The following OTUD7A variants were observed in gnomAD, a reference collection of about 807,000 sequenced individuals.
OTUD7A encodes OTU deubiquitinase 7A.
Under a neutral mutation model 65.7 loss-of-function variants are expected in OTUD7A, and 12 were observed. That is an observed-to-expected ratio of 0.18 (90% CI 0.12 to 0.30). The LOEUF (loss-of-function observed/expected upper bound fraction) is 0.30, where lower values mean the gene tolerates loss of function less well. OTUD7A is among the 10% of genes least tolerant of loss of function. The pLI is 1.00. For synonymous variants in OTUD7A, 641 were observed against 586.3 expected, an observed-to-expected ratio of 1.09 and a Z score of -1.35; for missense variants, 1,148 against 1,304.8, an observed-to-expected ratio of 0.88 and a Z score of 1.85.
intron 3 of OTUD7A, among the ~76,000 whole-genome samples, chr15:31,639,971 A>C (rs1891462678): frequency 6.6e-6 from 1 of 152,182 alleles, no homozygotes; most frequent in African/African-American, 2.4e-5. Context: ...TTATCTTTTC[A>C]TTCTCTTAAC....
intron 1 of OTUD7A, among the ~76,000 whole-genome samples, chr15:31,870,067 G>T (rs1004171632): frequency 1.3e-5 from 2 of 150,508 alleles, no homozygotes; most frequent in Middle Eastern, 3.5e-3. Context: ...CTCGGGGCCG[G>T]GCCCTGCCCG....
At chr15:31,553,207 G>A (rs773479654) in intron 5 of OTUD7A, among the ~76,000 whole-genome samples, 6 of 152,226 alleles carry the variant, frequency 3.9e-5, no homozygotes, top group Non-Finnish European at 5.9e-5. Flanking sequence ...ACTATCCACC[G>A]CTGGTTCGCC....
At chr15:31,799,267 A>G (rs1314823570) in intron 1 of OTUD7A, among the ~76,000 whole-genome samples, 1 of 152,190 alleles carries the variant, frequency 6.6e-6, no homozygotes, top group Non-Finnish European at 1.5e-5. Flanking sequence ...TAGCCCCAGA[A>G]TAACACAGTT....
chr15:31,577,958 A>C (rs1053354846), intron 3 of OTUD7A, among the ~76,000 whole-genome samples: 3 of 152,220 alleles, frequency 2.0e-5, no homozygotes, highest in Non-Finnish European at 4.4e-5. Flanking sequence ...AGAAGGAAGG[A>C]GCACTCTGAG....
intron 3 of OTUD7A, among the ~76,000 whole-genome samples, chr15:31,627,210 A>G (rs1425259371): frequency 6.6e-6 from 1 of 151,356 alleles, no homozygotes; most frequent in Non-Finnish European, 1.5e-5. Flanking sequence ...ATTTAGCATT[A>G]GGTATATCTC....
chr15:31,720,454 C>G lies in OTUD7A; in HGVS notation c.-99-63377G>C, dbSNP rs575799441. Among the ~76,000 whole-genome samples the G allele has an allele frequency of 2.0e-5, 3 of 148,042 alleles. No homozygotes were observed. In the South Asian group the frequency reaches 6.4e-4, roughly 31 times the overall value. On this transcript the variant is annotated intron_variant, in intron 1 of 12. Coordinates refer to ENST00000307050, the MANE Select transcript of OTUD7A (RefSeq NM_001382637.1). The stretch of plus-strand genomic sequence containing the variant: ...TCTCGCTGTCGCCCAGGCTGGAGTG[C>G]GGTGGCGCGCTCTCAGCTCACTGTA...
chr15:31,859,344 C>T (rs1034752044), intron 1 of OTUD7A, among the ~76,000 whole-genome samples: 20 of 152,154 alleles, frequency 1.3e-4, no homozygotes, highest in Admixed American at 1.3e-3. Context: ...GGTAAAAACA[C>T]TTCAACTCTA....
intron 1 of OTUD7A, among the ~76,000 whole-genome samples, chr15:31,854,527 C>G (rs1421835425): frequency 6.6e-6 from 1 of 152,190 alleles, no homozygotes; most frequent in Non-Finnish European, 1.5e-5. Context: ...CCAATGATGT[C>G]AGGCAAAGTC....
chr15:31,623,129 C>T (rs1486747358), intron 3 of OTUD7A, among the ~76,000 whole-genome samples: 3 of 152,330 alleles, frequency 2.0e-5, no homozygotes, highest in Admixed American at 2.0e-4. Flanking sequence ...CTGGAAGTTT[C>T]GTCTCAGAGG....
chr15:31,597,606 T>C (rs184627817), intron 3 of OTUD7A, among the ~76,000 whole-genome samples: 2 of 152,174 alleles, frequency 1.3e-5, no homozygotes, highest in East Asian at 3.9e-4. Context: ...ACGGTCTCTG[T>C]GTATGCTCAT....
chr15:31,637,109 T>C (rs1891366326), intron 3 of OTUD7A, among the ~76,000 whole-genome samples: 1 of 152,242 alleles, frequency 6.6e-6, no homozygotes, highest in African/African-American at 2.4e-5. Context: ...ATGTTCAATG[T>C]AGACAACACA....
intron 1 of OTUD7A, among the ~76,000 whole-genome samples, chr15:31,834,320 G>A (rs1246186633): frequency 6.6e-6 from 1 of 152,186 alleles, no homozygotes; most frequent in Non-Finnish European, 1.5e-5. Context: ...GACCAGTGTT[G>A]CTGTAAAGAG....
intron 3 of OTUD7A, among the ~76,000 whole-genome samples, chr15:31,606,225 CTTTG>C (rs1334253459): frequency 3.3e-5 from 5 of 152,170 alleles, no homozygotes; most frequent in Admixed American, 1.3e-4. Context: ...TGTTGTGAAA[CTTTG>C]TTTAACTATT....
At chr15:31,845,612 T>C (rs1474258968) in intron 1 of OTUD7A, among the ~76,000 whole-genome samples, 1 of 152,200 alleles carries the variant, frequency 6.6e-6, no homozygotes, top group Non-Finnish European at 1.5e-5. Flanking sequence ...ACCAGCATGT[T>C]GAGGCCCCCT....
intron 5 of OTUD7A, among the ~76,000 whole-genome samples, chr15:31,552,731 C>T (rs538474148): frequency 5.2e-4 from 79 of 152,372 alleles, no homozygotes; most frequent in African/African-American, 1.8e-3. Context: ...GGTTGCCCAA[C>T]GCTGCACCTG....
chr15:31,587,058 G>C (rs551312334), intron 3 of OTUD7A, among the ~76,000 whole-genome samples: 2 of 151,956 alleles, frequency 1.3e-5, no homozygotes, highest in Non-Finnish European at 2.9e-5. Flanking sequence ...ACCTCTGCTC[G>C]GCTATCTAAG....
chr15:31,756,436 T>C (rs1200289361), intron 1 of OTUD7A, among the ~76,000 whole-genome samples: 1 of 152,188 alleles, frequency 6.6e-6, no homozygotes, highest in Non-Finnish European at 1.5e-5. Flanking sequence ...GTCTTGCCAC[T>C]GTGGTCCCAG....
chr15:31,868,590 A>T (rs1897941219), intron 1 of OTUD7A, among the ~76,000 whole-genome samples: 1 of 152,192 alleles, frequency 6.6e-6, no homozygotes, highest in Admixed American at 6.5e-5. Flanking sequence ...CCAGTTTCTC[A>T]TCTCACTTAG....
intron 3 of OTUD7A, among the ~76,000 whole-genome samples, chr15:31,640,540 C>T (rs1401618768): frequency 6.6e-6 from 1 of 152,062 alleles, no homozygotes; most frequent in African/African-American, 2.4e-5. Context: ...GAGATGTAAA[C>T]CAAAGTTCAT....
Sources: allele counts gnomAD v4.1 joint callset (sites outside exome capture counted in the v4.1 genomes callset), GRCh38; gene constraint gnomAD v4.1.1; transcripts MANE v1.5; gene names NCBI Gene and HGNC (gene_info 2026-07-23, HGNC 2026-07-21).